Variants in NAV3 observed in about 807,000 individuals in gnomAD.
The protein encoded by NAV3 is neuron navigator 3.
A neutral mutation model predicts 244.7 loss-of-function variants in NAV3; 87 were observed. The observed-to-expected ratio is 0.36, with a 90% CI of 0.30 to 0.42. NAV3 has a LOEUF of 0.42. Ranked by LOEUF, NAV3 falls within the 20% of genes least tolerant of loss-of-function variation. The probability of loss-of-function intolerance (pLI) is 1.00; values close to 1 mark genes in which losing one functional copy is unlikely to be tolerated. For missense variants in NAV3, 2,663 were observed against 2,893.3 expected (o/e 0.92, Z 1.83); for synonymous variants, 1,126 against 1,042.2 (o/e 1.08, Z -1.55).
intron 1 of NAV3, among the ~76,000 whole-genome samples, chr12:77,832,186 T>C (rs1262923449): frequency 6.6e-6 from 1 of 152,228 alleles, no homozygotes; most frequent in Admixed American, 6.5e-5. Context: ...GCTTAATTCA[T>C]TGCAGTATGA....
At chr12:78,182,622 A>T (rs1958547362) in intron 30 of NAV3, among the ~76,000 whole-genome samples, 1 of 152,002 alleles carries the variant, frequency 6.6e-6, no homozygotes, top group African/African-American at 2.4e-5. Flanking sequence ...CAAAGAGTTT[A>T]AATTTACAAT....
At chr12:77,683,985 G>A (rs556172842) in intron 2 of NAV3, among the ~76,000 whole-genome samples, 132 of 152,214 alleles carry the variant, frequency 8.7e-4, no homozygotes, top group African/African-American at 2.9e-3. Context: ...GGGTCATAAG[G>A]TAAGTATAAT....
At chr12:77,698,764 A>G (rs991502350) in intron 2 of NAV3, among the ~76,000 whole-genome samples, 28 of 152,158 alleles carry the variant, frequency 1.8e-4, no homozygotes, top group Non-Finnish European at 2.1e-4. Flanking sequence ...AAAATTCTCT[A>G]TGTGAATGGC....
chr12:77,593,102 G>T (rs576960210), intron 2 of NAV3, among the ~76,000 whole-genome samples: 1 of 152,226 alleles, frequency 6.6e-6, no homozygotes, highest in South Asian at 2.1e-4. Flanking sequence ...ATACAAGCCA[G>T]CTTTCAGGGA....
At chr12:78,112,625 C>T (rs1955156882) in intron 12 of NAV3, among the ~76,000 whole-genome samples, 1 of 152,100 alleles carries the variant, frequency 6.6e-6, no homozygotes, top group African/African-American at 2.4e-5. Context: ...AGTAACTGCC[C>T]CCATGACTCA....
intron 2 of NAV3, among the ~76,000 whole-genome samples, chr12:77,818,551 G>A (rs190992987): frequency 5.9e-5 from 9 of 152,048 alleles, no homozygotes; most frequent in Admixed American, 5.9e-4. Flanking sequence ...TGGAAAGTTG[G>A]CAGTGTCTTT....
chr12:77,649,807 C>A (rs1322129276), intron 2 of NAV3, among the ~76,000 whole-genome samples: 1 of 151,972 alleles, frequency 6.6e-6, no homozygotes, highest in Admixed American at 6.6e-5. Flanking sequence ...ATGATTTAAT[C>A]GATTTTTTTA....
At chr12:77,797,846 A>G (rs532170306) in intron 2 of NAV3, among the ~76,000 whole-genome samples, 1 of 151,886 alleles carries the variant, frequency 6.6e-6, no homozygotes, top group African/African-American at 2.4e-5. Flanking sequence ...CTCAAAAAAA[A>G]AAAAGTACCT....
intron 12 of NAV3, among the ~76,000 whole-genome samples, chr12:78,104,875 T>C (rs1291303594): frequency 6.6e-6 from 1 of 152,162 alleles, no homozygotes; most frequent in Non-Finnish European, 1.5e-5. Context: ...TTTAACTTAA[T>C]GCGCTTGAAA....
At chr12:77,969,175 A>AGTGT (rs1200565962) in intron 5 of NAV3, among the ~76,000 whole-genome samples, 1 of 145,150 alleles carries the variant, frequency 6.9e-6, no homozygotes, top group African/African-American at 2.6e-5. Context: ...TGTGTGCATG[A>AGTGT]GTGTGTGTGT....
Position 78,025,335 on chromosome 12 carries a change from C to T in NAV3, c.2023+3473C>T, listed in dbSNP as rs150943188. 8.5e-4 allele frequency among the ~76,000 whole-genome samples: 130 copies of T among 152,134 alleles called. No individual in the cohort carries two copies. The East Asian group carries it at 0.023, about 27-fold the overall frequency. ...TTCCTTGGCCAGGCATGGTGGCTCA[C>T]GCTTGTAATTCTAGCACTTTGGGAG... On this transcript the variant is annotated intron_variant, in intron 9 of 39. Transcript: ENST00000397909.
chr12:77,739,405 C>A (rs1018964406), intron 2 of NAV3, among the ~76,000 whole-genome samples: 2 of 152,062 alleles, frequency 1.3e-5, no homozygotes, highest in Non-Finnish European at 2.9e-5. Context: ...CATATCTATA[C>A]TTAGTTAGTA....
At chr12:78,193,191 C>T (rs1471328647) in intron 34 of NAV3, among the ~76,000 whole-genome samples, 4 of 152,174 alleles carry the variant, frequency 2.6e-5, no homozygotes, top group African/African-American at 9.6e-5. Context: ...AACATCTTTT[C>T]ATGTTTTCAG....
At chr12:78,039,580 TGGGGTAGA>T (rs922423825) in intron 9 of NAV3, among the ~76,000 whole-genome samples, 10 of 152,144 alleles carry the variant, frequency 6.6e-5, no homozygotes, top group African/African-American at 2.4e-4. Flanking sequence ...GTAATATGGA[TGGGGTAGA>T]GGGCATAATT....
intron 20 of NAV3, among the ~76,000 whole-genome samples, chr12:78,141,111 A>G (rs757357556): frequency 5.3e-5 from 8 of 152,012 alleles, no homozygotes; most frequent in Non-Finnish European, 1.2e-4. Context: ...AGACTGATCA[A>G]TACCCATGGC....
chr12:77,961,297 C>T (rs1019967966), intron 3 of NAV3, among the ~76,000 whole-genome samples: 1 of 60,302 alleles, frequency 1.7e-5, no homozygotes, highest in African/African-American at 3.8e-5. Flanking sequence ...GCAATATACA[C>T]ATATGTATAT....
In NAV3 at chr12:78,212,787, A is replaced by G. The variant is rs1960982030; in HGVS notation, c.*2270A>G. The G allele has an allele frequency of 6.6e-6, 1 of 152,652 alleles. No homozygotes were observed. Among genetic ancestry groups the G allele is most frequent in the Non-Finnish European group, 1.5e-5 (1 of 68,042 alleles). The allele number at this position is 152,652 out of a possible 1,614,324, so 9.5% of individuals were successfully genotyped here. A position where few individuals can be genotyped will look rare whatever the true frequency, so the allele number is the denominator to read the frequency against. On this transcript the variant is annotated 3_prime_UTR_variant, in exon 40 of 40. Coordinates refer to ENST00000397909, the MANE Select transcript of NAV3 (RefSeq NM_001024383.2). ...CATTTTGATGTAACATATCATGTAA[A>G]TAGGCAGAAACAGTGAAATAAATCA...
At chr12:77,774,024 GA>G (rs1316669862) in intron 2 of NAV3, among the ~76,000 whole-genome samples, 1 of 152,056 alleles carries the variant, frequency 6.6e-6, no homozygotes, top group African/African-American at 2.4e-5. Flanking sequence ...CTCATAATCA[GA>G]AATTACACAA....
At chr12:78,140,405 C>A in intron 20 of NAV3, 71 bp downstream of exon 20, 1 of 1,262,440 alleles carries the variant, frequency 7.9e-7, no homozygotes, top group Non-Finnish European at 1.2e-6. Flanking sequence ...GATCATTTTA[C>A]TGTGAACAGA....
Sources: allele counts gnomAD v4.1 joint callset (sites outside exome capture counted in the v4.1 genomes callset), GRCh38; gene constraint gnomAD v4.1.1; transcripts MANE v1.5; gene names NCBI Gene and HGNC (gene_info 2026-07-23, HGNC 2026-07-21).